PLXDC1: variants seen among roughly 807,000 people sequenced by gnomAD.
The protein encoded by PLXDC1 is plexin domain-containing protein 1.
Under a neutral mutation model 61.3 loss-of-function variants are expected in PLXDC1, and 39 were observed. The observed-to-expected ratio is 0.64, with a 90% CI of 0.49 to 0.83. The LOEUF is 0.83. Ranked by LOEUF, PLXDC1 falls within the 40% of genes least tolerant of loss-of-function variation. The pLI is 0.00. For synonymous variants in PLXDC1, 212 were observed against 254.5 expected (o/e 0.83, Z 1.59); for missense variants, 596 against 666.5 (o/e 0.89, Z 1.17).
intron 1 of PLXDC1, among the ~76,000 whole-genome samples, chr17:39,140,636 T>C (rs1567773779): frequency 1.3e-5 from 2 of 152,200 alleles, no homozygotes; most frequent in Non-Finnish European, 2.9e-5. Flanking sequence ...AGGGGAGATT[T>C]TGAGGAGTCT....
chr17:39,116,345 C>T (rs993360113), intron 2 of PLXDC1, among the ~76,000 whole-genome samples: 1 of 152,166 alleles, frequency 6.6e-6, no homozygotes, highest in African/African-American at 2.4e-5. Flanking sequence ...CCGCCCCCAG[C>T]ACCTCCCTAG....
At chr17:39,107,597 C>T (rs769428453) in intron 5 of PLXDC1, 72 bp from the exon 6 acceptor site, 9 of 1,090,646 alleles carry the variant, frequency 8.3e-6, no homozygotes, top group African/African-American at 7.7e-5. Flanking sequence ...AAATGCCAGT[C>T]GGAGGGCAGC....
Position 39,066,613 on chromosome 17 carries a change from T to G in PLXDC1, c.*1227A>C, listed in dbSNP as rs1355366943. On this transcript the variant is annotated 3_prime_UTR_variant, in exon 14 of 14. Coordinates refer to ENST00000315392, the MANE Select transcript of PLXDC1 (RefSeq NM_020405.5). ...TTCTTTTTTTTTTTTTGAGACGGAG[T>G]CTCGCTCTGTCACCCAGGCTGGAGT... is the stretch of plus-strand genomic sequence containing the variant. 1 of 150,378 alleles carries G rather than the reference T, an allele frequency of 6.6e-6. No individual in the cohort carries two copies. The highest frequency in any genetic ancestry group is 6.7e-5 in the Admixed American group (1 of 14,982). 9.3% of individuals were successfully genotyped at this position (150,378 alleles called of 1,614,324 possible). A position where few individuals can be genotyped will look rare whatever the true frequency, so the allele number is the denominator to read the frequency against.
At chr17:39,150,815 T>G (rs554745496) in intron 1 of PLXDC1, among the ~76,000 whole-genome samples, 117 of 152,142 alleles carry the variant, frequency 7.7e-4, no homozygotes, top group Non-Finnish European at 8.8e-5. Flanking sequence ...GCCCACTGCC[T>G]CTCTACTGAC....
At chr17:39,133,917 G>A (rs1366452661) in intron 2 of PLXDC1, among the ~76,000 whole-genome samples, 1 of 151,790 alleles carries the variant, frequency 6.6e-6, no homozygotes, top group Non-Finnish European at 1.5e-5. Flanking sequence ...GTGAGCCACT[G>A]TGACTGGCTG....
At chr17:39,126,870 T>A (rs1911325852) in intron 2 of PLXDC1, 1 of 152,142 alleles carries the variant, frequency 6.6e-6, no homozygotes, top group African/African-American at 2.4e-5. Context: ...AAAACAACGG[T>A]GACCACAACG....
chr17:39,063,564 C>T lies in PLXDC1; in HGVS notation c.*4276G>A, dbSNP rs151058975. On this transcript the variant is annotated 3_prime_UTR_variant, in exon 14 of 14. Coordinates refer to ENST00000315392, the MANE Select transcript of PLXDC1 (RefSeq NM_020405.5). ...GAACCAAGGTATGTGTGGTGATCTT[C>T]GGAATGCCACTCCAAATCCTTTGCA... is the stretch of plus-strand genomic sequence containing the variant. 1.9e-4 allele frequency: 129 copies of T among 693,612 alleles called. No homozygotes were observed. The highest frequency in any genetic ancestry group is 1.8e-3 in the African/African-American group (104 of 56,908). The allele number at this position is 693,612 out of a possible 1,614,324, so 43.0% of individuals were successfully genotyped here. A position where few individuals can be genotyped will look rare whatever the true frequency, so the allele number is the denominator to read the frequency against.
rs911819122 is a variant in PLXDC1, at chr17:39,151,478, G to A, written c.-41C>T. The A allele has an allele frequency of 4.8e-6, 6 of 1,237,608 alleles. No individual in the cohort carries two copies. The highest frequency in any genetic ancestry group is 8.5e-5 in the Admixed American group (2 of 23,660). 76.7% of individuals were successfully genotyped at this position (1,237,608 alleles called of 1,614,324 possible). On this transcript the variant is annotated 5_prime_UTR_variant, in exon 1 of 14. Transcript: ENST00000315392. This position sits in a 1 kb window ranked among gnomAD's most constrained non-coding sequence, Gnocchi z 5.2. ...CTGCCCCCGGCCTGCTTGCTGCCCC[G>A]GTCCTGACGAGGGAGGGGGCCCTGG...
intron 7 of PLXDC1, among the ~76,000 whole-genome samples, chr17:39,101,283 G>A (rs1341141910): frequency 6.6e-6 from 1 of 152,222 alleles, no homozygotes; most frequent in Non-Finnish European, 1.5e-5. Context: ...GGGAAGGAGG[G>A]AGGGACATTC....
At chr17:39,076,533 A>G (rs543466949) in intron 11 of PLXDC1, among the ~76,000 whole-genome samples, 1 of 151,778 alleles carries the variant, frequency 6.6e-6, no homozygotes, top group South Asian at 2.1e-4. Flanking sequence ...AAATCCTAAC[A>G]TAGGGCTAGA....
intron 2 of PLXDC1, among the ~76,000 whole-genome samples, chr17:39,134,272 AAAG>A (rs1168189332): frequency 6.6e-6 from 1 of 151,690 alleles, no homozygotes; most frequent in Non-Finnish European, 1.5e-5. Flanking sequence ...AAAGAAAAGA[AAAG>A]AAAAAAAAAT....
At chr17:39,094,488 C>T (rs1910070106) in intron 7 of PLXDC1, among the ~76,000 whole-genome samples, 2 of 151,798 alleles carry the variant, frequency 1.3e-5, no homozygotes, top group African/African-American at 4.8e-5. Flanking sequence ...GGCAAAGTGA[C>T]TGCCCCCCGA....
intron 2 of PLXDC1, among the ~76,000 whole-genome samples, chr17:39,110,373 T>C (rs1306416547): frequency 6.6e-6 from 1 of 152,036 alleles, no homozygotes; most frequent in East Asian, 1.9e-4. Context: ...CTGATGGAGA[T>C]GAAATAAAGA....
chr17:39,150,301 C>T (rs986322426), intron 1 of PLXDC1, among the ~76,000 whole-genome samples: 2 of 152,138 alleles, frequency 1.3e-5, no homozygotes, highest in Non-Finnish European at 2.9e-5. Context: ...GTCTCAGCTA[C>T]ATGCTGGGAC....
At position 39,063,529 on chromosome 17, in the gene PLXDC1, G is replaced by C. The variant is rs1356073274; in HGVS notation, c.*4311C>G. 1 of 702,688 alleles carries C rather than the reference G, an allele frequency of 1.4e-6. No homozygotes were observed. Among genetic ancestry groups the C allele is most frequent in the African/African-American group, 1.7e-5 (1 of 57,238 alleles). The allele number at this position is 702,688 out of a possible 1,614,324, so 43.5% of individuals were successfully genotyped here. A position where few individuals can be genotyped will look rare whatever the true frequency, so the allele number is the denominator to read the frequency against. On this transcript the variant is annotated 3_prime_UTR_variant, in exon 14 of 14. Transcript: ENST00000315392. ...GTCTCAGCGAAGAAGTCGGAGTTCA[G>C]CAGCCATCAGAACCAAGGTATGTGT...
At position 39,063,599 on chromosome 17, in the gene PLXDC1, G is replaced by A. The variant is rs1018465081; in HGVS notation, c.*4241C>T. 6 of 672,436 alleles carry A rather than the reference G, an allele frequency of 8.9e-6. No individual in the cohort carries two copies. The African/African-American group carries it at 1.1e-4, about 12-fold the overall frequency. 41.7% of individuals were successfully genotyped at this position (672,436 alleles called of 1,614,324 possible). ...CTCCAAATCCTTTGCACTTTCTTTT[G>A]CACACAGCAGGAGTTGTAAAAGAAT... On this transcript the variant is annotated 3_prime_UTR_variant, in exon 14 of 14. Transcript: ENST00000315392.
chr17:39,125,234 C>T (rs2143812657), intron 2 of PLXDC1, among the ~76,000 whole-genome samples: 1 of 152,330 alleles, frequency 6.6e-6, no homozygotes, highest in Non-Finnish European at 1.5e-5. Flanking sequence ...TTTGTCATCA[C>T]AGAAATGCAG....
At chr17:39,078,829 C>T (rs1415936178) in intron 10 of PLXDC1, among the ~76,000 whole-genome samples, 1 of 152,190 alleles carries the variant, frequency 6.6e-6, no homozygotes, top group African/African-American at 2.4e-5. Flanking sequence ...CCCAACATCC[C>T]CTCTGCATGC....
chr17:39,107,593 C>T, intron 5 of PLXDC1, 68 bp from the exon 6 acceptor site: 1 of 1,167,198 alleles, frequency 8.6e-7, no homozygotes, highest in South Asian at 1.2e-5. Context: ...ACAGAAATGC[C>T]AGTCGGAGGG....
Sources: allele counts gnomAD v4.1 joint callset (sites outside exome capture counted in the v4.1 genomes callset), GRCh38; gene constraint gnomAD v4.1.1; non-coding constraint Gnocchi (gnomAD v3.1); transcripts MANE v1.5; gene names NCBI Gene and HGNC (gene_info 2026-07-23, HGNC 2026-07-21).